Variants in PSD3 observed in about 807,000 individuals in gnomAD.
PSD3 encodes the protein pleckstrin and Sec7 domain containing 3, also known as PH and SEC7 domain-containing protein 3.
A neutral mutation model predicts 105.5 loss-of-function variants in PSD3; 49 were observed. The observed-to-expected ratio is 0.46, with a 90% CI of 0.37 to 0.59. The LOEUF (loss-of-function observed/expected upper bound fraction) is 0.59. Among genes scored for constraint, PSD3 ranks in the 20% least tolerant of loss-of-function variants. The pLI, the probability that PSD3 is intolerant of heterozygous loss-of-function variation, is 0.00. For missense variants in PSD3, 1,561 were observed against 1,263.8 expected (o/e 1.24, Z -3.57); for synonymous variants, 557 against 457.8 (o/e 1.22, Z -2.77).
At position 18,830,069 on chromosome 8, in the gene PSD3, G is replaced by T. The variant is rs182436441; in HGVS notation, c.1635-25171C>A. Among the ~76,000 whole-genome samples the T allele has an allele frequency of 2.0e-5, 3 of 152,200 alleles. No individual in the cohort carries two copies. The East Asian group carries it at 5.8e-4, about 29-fold the overall frequency. ...TGTAACCTCTGCTTCCTGGGTTCAA[G>T]CAATTCTCCTGTGTCAGCCTCCCGA... On this transcript the variant is annotated intron_variant, in intron 4 of 15. Transcript: ENST00000327040.
At chr8:18,584,269 T>C (rs1803007156) in intron 12 of PSD3, among the ~76,000 whole-genome samples, 1 of 152,196 alleles carries the variant, frequency 6.6e-6, no homozygotes, top group African/African-American at 2.4e-5. Flanking sequence ...AGTCAGAGGC[T>C]GAAGGAAAGT....
intron 1 of PSD3, among the ~76,000 whole-genome samples, chr8:18,961,188 G>C (rs891561047): frequency 6.6e-6 from 1 of 152,166 alleles, no homozygotes; most frequent in African/African-American, 2.4e-5. Flanking sequence ...CAGTAACAGA[G>C]AAATTTTACC....
intron 1 of PSD3, among the ~76,000 whole-genome samples, chr8:18,960,325 T>G (rs750711209): frequency 1.4e-4 from 21 of 152,174 alleles, no homozygotes; most frequent in Non-Finnish European, 2.9e-4. Flanking sequence ...AAGTGTCTTC[T>G]GAAGATGAGT....
At chr8:18,984,702 T>A (rs1289824459) in intron 1 of PSD3, among the ~76,000 whole-genome samples, 1 of 152,196 alleles carries the variant, frequency 6.6e-6, no homozygotes, top group Non-Finnish European at 1.5e-5. Flanking sequence ...TTTTTTCACA[T>A]TTGAAATTTT....
At chr8:18,745,491 T>C (rs1804933897) in intron 9 of PSD3, among the ~76,000 whole-genome samples, 1 of 152,222 alleles carries the variant, frequency 6.6e-6, no homozygotes, top group Non-Finnish European at 1.5e-5. Flanking sequence ...GTTGGCCTTC[T>C]GGCACACCAC....
chr8:18,786,539 C>T (rs1277476997), intron 8 of PSD3, among the ~76,000 whole-genome samples: 3 of 152,146 alleles, frequency 2.0e-5, no homozygotes, highest in Non-Finnish European at 4.4e-5. Flanking sequence ...CACAAAGATA[C>T]CAATTTGACT....
At chr8:18,839,730 G>A (rs1015922309) in intron 4 of PSD3, among the ~76,000 whole-genome samples, 9 of 152,108 alleles carry the variant, frequency 5.9e-5, no homozygotes, top group African/African-American at 1.9e-4. Flanking sequence ...ACTCAAGTAA[G>A]ATCAGAGTTC....
chr8:19,020,515 C>A lies in PSD3; in HGVS notation c.324+63691G>T, dbSNP rs115290737. ...GTATTCAGAGATGTCGTAAGTGGGA[C>A]CTTATAGGTTGTTGTAAAGACCCTT... On this transcript the variant is annotated intron_variant, in intron 1 of 1. Coordinates refer to the PSD3 transcript ENST00000521475. 3.3e-4 allele frequency among the ~76,000 whole-genome samples: 50 copies of A among 151,996 alleles called. 1 individual carries two copies. Among genetic ancestry groups the A allele is most frequent in the South Asian group, 1.9e-3 (9 of 4,798 alleles).
chr8:18,954,557 C>T (rs989241556), intron 1 of PSD3, among the ~76,000 whole-genome samples: 25 of 152,176 alleles, frequency 1.6e-4, no homozygotes, highest in Admixed American at 7.2e-4. Flanking sequence ...ATCCATCCAT[C>T]CATCACAAAA....
At chr8:18,810,481 T>A (rs1811599112) in intron 4 of PSD3, among the ~76,000 whole-genome samples, 1 of 152,230 alleles carries the variant, frequency 6.6e-6, no homozygotes, top group Non-Finnish European at 1.5e-5. Flanking sequence ...TCCCAGAACT[T>A]TAATAAACAG....
chr8:18,597,065 A>G (rs979146624), intron 12 of PSD3, among the ~76,000 whole-genome samples: 26 of 152,244 alleles, frequency 1.7e-4, no homozygotes, highest in African/African-American at 5.8e-4. Context: ...CAAAAACTCT[A>G]AACATAATGC....
In PSD3 at chr8:18,541,373, C is replaced by T. The variant is rs186958147; in HGVS notation, c.2929-5415G>A. 2.7e-3 allele frequency among the ~76,000 whole-genome samples: 407 copies of T among 152,136 alleles called. 2 individuals are homozygous for T. The highest frequency in any genetic ancestry group is 9.5e-3 in the African/African-American group (393 of 41,508). On this transcript the variant is annotated intron_variant, in intron 15 of 15. Transcript: ENST00000327040. ...AATATATTTTGAACTCGTAATATGG[C>T]AAATCCAGAAAAAGAAAAATAACAC...
At chr8:18,640,805 C>A (rs915556217) in intron 10 of PSD3, among the ~76,000 whole-genome samples, 35 of 152,192 alleles carry the variant, frequency 2.3e-4, no homozygotes, top group Non-Finnish European at 4.3e-4. Flanking sequence ...GCCCCACTGA[C>A]CTACCTTTGA....
intron 4 of PSD3, among the ~76,000 whole-genome samples, chr8:18,818,191 G>A (rs1812385281): frequency 6.6e-6 from 1 of 152,120 alleles, no homozygotes; most frequent in African/African-American, 2.4e-5. Context: ...CTGACCTCTG[G>A]TGATCCATCC....
intron 1 of PSD3, among the ~76,000 whole-genome samples, chr8:19,011,373 G>C (rs369050387): frequency 6.6e-6 from 1 of 152,122 alleles, no homozygotes; most frequent in South Asian, 2.1e-4. Context: ...GTAGTACCAT[G>C]GACATGTTTT....
intron 12 of PSD3, among the ~76,000 whole-genome samples, chr8:18,586,556 G>A (rs893861436): frequency 6.6e-6 from 1 of 152,076 alleles, no homozygotes; most frequent in Non-Finnish European, 1.5e-5. Flanking sequence ...GGGGCAGGGG[G>A]TGGTTTGTGT....
At chr8:18,935,405 G>C (rs992479671) in intron 2 of PSD3, among the ~76,000 whole-genome samples, 9 of 151,932 alleles carry the variant, frequency 5.9e-5, no homozygotes, top group Admixed American at 3.9e-4. Context: ...GCTGGGCACA[G>C]TGGCTCACAT....
Position 18,883,573 on chromosome 8 carries a change from ATAT to A in PSD3, c.131-10843_131-10841del, listed in dbSNP as rs1359387199. On this transcript the variant is annotated intron_variant, in intron 2 of 15. Coordinates refer to ENST00000327040, the MANE Select transcript of PSD3 (RefSeq NM_015310.4). ...AACTTGACCATTAGTCAAAACCTGT[ATAT>A]TATTATTTGTACACAGCCTTAAAAA... Among the ~76,000 whole-genome samples the A allele has an allele frequency of 2.0e-5, 3 of 152,194 alleles. 1 individual carries two copies. Among genetic ancestry groups the A allele is most frequent in the East Asian group, 3.8e-4 (2 of 5,202 alleles).
intron 9 of PSD3, among the ~76,000 whole-genome samples, chr8:18,741,380 C>T (rs191960756): frequency 4.3e-4 from 66 of 152,264 alleles, no homozygotes; most frequent in African/African-American, 1.5e-3. Context: ...GATGTGACTC[C>T]AAGAGTCCAT....
Sources: allele counts gnomAD v4.1 joint callset (sites outside exome capture counted in the v4.1 genomes callset), GRCh38; gene constraint gnomAD v4.1.1; transcripts MANE v1.5; gene names NCBI Gene and HGNC (gene_info 2026-07-23, HGNC 2026-07-21).